Variants in DCC observed in about 807,000 individuals in gnomAD.
DCC encodes netrin receptor DCC.
Under a neutral mutation model 172.5 loss-of-function variants are expected in DCC, and 58 were observed. The observed-to-expected ratio is 0.34, with a 90% CI of 0.27 to 0.42. The LOEUF is 0.42. Ranked by LOEUF, DCC falls within the 10% of genes least tolerant of loss-of-function variation. The pLI is 1.00. For synonymous variants in DCC, 709 were observed against 644.5 expected (o/e 1.10, Z -1.52); for missense variants, 1,740 against 1,791.0 (o/e 0.97, Z 0.51).
At chr18:52,880,241 A>G (rs544987759) in intron 2 of DCC, among the ~76,000 whole-genome samples, 2 of 151,956 alleles carry the variant, frequency 1.3e-5, no homozygotes, top group Non-Finnish European at 2.9e-5. Context: ...TGTTCAAGCA[A>G]TTCTTGTGTC....
chr18:52,793,755 G>T (rs1262572529), intron 2 of DCC, among the ~76,000 whole-genome samples: 1 of 152,134 alleles, frequency 6.6e-6, no homozygotes, highest in Non-Finnish European at 1.5e-5. Context: ...TCTTCCAGTA[G>T]TTCTATGTTT....
intron 2 of DCC, among the ~76,000 whole-genome samples, chr18:52,784,900 G>C (rs1268743054): frequency 2.0e-5 from 3 of 148,522 alleles, no homozygotes; most frequent in African/African-American, 7.5e-5. Context: ...GTCCTAGGGA[G>C]GTGGAGGGGG....
chr18:53,034,542 G>A (rs745424324), intron 5 of DCC, among the ~76,000 whole-genome samples: 1 of 151,996 alleles, frequency 6.6e-6, no homozygotes, highest in African/African-American at 2.4e-5. Flanking sequence ...ACCATGCCAT[G>A]CTGGCTCAAA....
chr18:53,111,560 G>A (rs1006713381), intron 7 of DCC, among the ~76,000 whole-genome samples: 2 of 151,122 alleles, frequency 1.3e-5, no homozygotes, highest in African/African-American at 4.9e-5. Context: ...CATAAACAAG[G>A]ATTTTTACAA....
intron 5 of DCC, among the ~76,000 whole-genome samples, chr18:52,954,573 T>A (rs566993560): frequency 1.3e-5 from 2 of 152,150 alleles, no homozygotes; most frequent in Non-Finnish European, 2.9e-5. Context: ...GGGAAATATT[T>A]GAGAAAGGTC....
At chr18:52,553,795 G>A (rs1318253926) in intron 1 of DCC, among the ~76,000 whole-genome samples, 1 of 152,000 alleles carries the variant, frequency 6.6e-6, no homozygotes, top group Non-Finnish European at 1.5e-5. Context: ...GACCAGATGT[G>A]AAAGCCATTT....
chr18:52,487,939 G>A (rs1003404604), intron 1 of DCC, among the ~76,000 whole-genome samples: 2 of 151,432 alleles, frequency 1.3e-5, no homozygotes, highest in Non-Finnish European at 2.9e-5. Flanking sequence ...CCTTCAAGAT[G>A]TTCAATCTAA....
At chr18:52,790,872 A>G (rs28806881) in intron 2 of DCC, among the ~76,000 whole-genome samples, 3,383 of 152,308 alleles carry the variant, frequency 0.022, 124 homozygotes, top group African/African-American at 0.076. Context: ...GTTAAATTTT[A>G]GAAAGCTTCT....
At chr18:52,663,565 G>A (rs1004566389) in intron 1 of DCC, among the ~76,000 whole-genome samples, 8 of 152,164 alleles carry the variant, frequency 5.3e-5, no homozygotes, top group African/African-American at 1.7e-4. Flanking sequence ...ATTCACCCTA[G>A]CTAAAACAAA....
At chr18:52,920,035 A>AAT (rs954843076) in intron 3 of DCC, among the ~76,000 whole-genome samples, 1 of 151,748 alleles carries the variant, frequency 6.6e-6, no homozygotes, top group African/African-American at 2.4e-5. Flanking sequence ...AAAAAAAAAA[A>AAT]AAGAATCCAG....
At chr18:52,510,210 A>C (rs767834688) in intron 1 of DCC, among the ~76,000 whole-genome samples, 2 of 151,902 alleles carry the variant, frequency 1.3e-5, no homozygotes, top group Non-Finnish European at 2.9e-5. Flanking sequence ...CTTGTAACTC[A>C]GGACCCTTTG....
chr18:52,600,582 G>C (rs746426253), intron 1 of DCC, among the ~76,000 whole-genome samples: 1 of 152,046 alleles, frequency 6.6e-6, no homozygotes, highest in Non-Finnish European at 1.5e-5. Context: ...TTAATAGATC[G>C]ATTTAAGTAC....
At position 52,429,781 on chromosome 18, in the gene DCC, G is replaced by T. The variant is rs990816182; in HGVS notation, c.91+88903G>T. Among the ~76,000 whole-genome samples the T allele has an allele frequency of 2.0e-5, 3 of 152,182 alleles. No individual in the cohort carries two copies. The East Asian group carries it at 5.8e-4, about 29-fold the overall frequency. On this transcript the variant is annotated intron_variant, in intron 1 of 28. Coordinates refer to ENST00000442544, the MANE Select transcript of DCC (RefSeq NM_005215.4). ...TCAAAGAAACATTCCTTTATTACCA[G>T]TAACAGTCATAGATATGCTGGGAAT...
At chr18:52,452,323 A>G (rs529028714) in intron 1 of DCC, among the ~76,000 whole-genome samples, 1 of 152,230 alleles carries the variant, frequency 6.6e-6, no homozygotes, top group Non-Finnish European at 1.5e-5. Flanking sequence ...ATATCAATTC[A>G]GGGTTCTAAT....
chr18:53,147,749 G>A (rs1314682755), intron 7 of DCC, among the ~76,000 whole-genome samples: 1 of 152,074 alleles, frequency 6.6e-6, no homozygotes, highest in South Asian at 2.1e-4. Context: ...ATTTTTTTTA[G>A]ATTGAAATGA....
At chr18:52,671,532 C>CTTTTTTTT (rs761856360) in intron 1 of DCC, among the ~76,000 whole-genome samples, 1 of 116,992 alleles carries the variant, frequency 8.5e-6, no homozygotes, top group Non-Finnish European at 1.8e-5. Flanking sequence ...ATATGCCAAC[C>CTTTTTTTT]TTTTTTTTTT....
chr18:52,380,237 A>G (rs1309785456), intron 1 of DCC, among the ~76,000 whole-genome samples: 2 of 151,784 alleles, frequency 1.3e-5, no homozygotes, highest in Non-Finnish European at 2.9e-5. Flanking sequence ...TTCAACATAT[A>G]TTTTAGAGGA....
intron 1 of DCC, among the ~76,000 whole-genome samples, chr18:52,418,307 A>T (rs1987118071): frequency 6.6e-6 from 1 of 152,180 alleles, no homozygotes; most frequent in South Asian, 2.1e-4. Context: ...ACCTAGTAAA[A>T]GCCATGTAAT....
At chr18:52,664,756 C>A (rs1599000271) in intron 1 of DCC, among the ~76,000 whole-genome samples, 1 of 152,118 alleles carries the variant, frequency 6.6e-6, no homozygotes, top group Non-Finnish European at 1.5e-5. Flanking sequence ...CAGGTGTGAG[C>A]CACCGCGCCC....
Sources: allele counts gnomAD v4.1 joint callset (sites outside exome capture counted in the v4.1 genomes callset), GRCh38; gene constraint gnomAD v4.1.1; transcripts MANE v1.5; gene names NCBI Gene and HGNC (gene_info 2026-07-23, HGNC 2026-07-21).